CNOT6L: variants seen among roughly 807,000 people sequenced by gnomAD.
CNOT6L encodes CCR4-NOT transcription complex subunit 6-like.
Under a neutral mutation model 64.0 loss-of-function variants are expected in CNOT6L, and 7 were observed. That is an observed-to-expected ratio of 0.11 (90% CI 0.06 to 0.21). CNOT6L has a LOEUF of 0.21. Among genes scored for constraint, CNOT6L ranks in the 10% least tolerant of loss-of-function variants. The probability of loss-of-function intolerance (pLI) is 1.00; values close to 1 mark genes in which losing one functional copy is unlikely to be tolerated. For synonymous variants in CNOT6L, 193 were observed against 243.4 expected, an observed-to-expected ratio of 0.79 and a Z score of 1.93; for missense variants, 245 against 669.0, an observed-to-expected ratio of 0.37 and a Z score of 6.99.
At chr4:77,727,203 T>C (rs1402597375) in intron 10 of CNOT6L, among the ~76,000 whole-genome samples, 1 of 152,180 alleles carries the variant, frequency 6.6e-6, no homozygotes, top group African/African-American at 2.4e-5. Context: ...CTGTTCTAAG[T>C]GCTTTATTCA....
chr4:77,808,705 T>C (rs1046527743), intron 1 of CNOT6L, among the ~76,000 whole-genome samples: 2 of 152,182 alleles, frequency 1.3e-5, no homozygotes, highest in South Asian at 4.1e-4. Context: ...AGTAGTCTAT[T>C]AATTTTTTCC....
At chr4:77,732,852 G>C (rs1186432136) in intron 8 of CNOT6L, among the ~76,000 whole-genome samples, 1 of 152,082 alleles carries the variant, frequency 6.6e-6, no homozygotes, top group Non-Finnish European at 1.5e-5. Flanking sequence ...AGAGATAAAA[G>C]TTCTAAGCCA....
At chr4:77,781,503 G>A (rs1024126630) in intron 1 of CNOT6L, among the ~76,000 whole-genome samples, 1 of 151,918 alleles carries the variant, frequency 6.6e-6, no homozygotes, top group East Asian at 1.9e-4. Flanking sequence ...ATAAATCTAC[G>A]TAACATGCTA....
chr4:77,802,433 G>A (rs1731695021), intron 1 of CNOT6L, among the ~76,000 whole-genome samples: 2 of 152,192 alleles, frequency 1.3e-5, no homozygotes, highest in South Asian at 4.2e-4. Context: ...ACTAAAAAAT[G>A]TTTTCATTAA....
At chr4:77,792,503 A>G (rs2110113027) in intron 1 of CNOT6L, among the ~76,000 whole-genome samples, 1 of 152,262 alleles carries the variant, frequency 6.6e-6, no homozygotes, top group African/African-American at 2.4e-5. Flanking sequence ...AGGTGGGCAG[A>G]TGACCTGAGG....
In CNOT6L at chr4:77,768,484, T is replaced by A. The variant is rs1210523768; in HGVS notation, c.400+4597A>T. Among the ~76,000 whole-genome samples, 33 of 3,616 alleles carry A rather than the reference T, an allele frequency of 9.1e-3. No individual in the cohort carries two copies. In the South Asian group the frequency reaches 0.11, roughly 12 times the overall value. 2.4% of individuals were successfully genotyped at this position (3,616 alleles called of 152,430 possible). A position where few individuals can be genotyped will look rare whatever the true frequency, so the allele number is the denominator to read the frequency against. ...TGTCTAAAATAAATAAATATATATA[T>A]ATATATATATATATATATATATATA... On this transcript the variant is annotated intron_variant, in intron 4 of 11. Coordinates refer to ENST00000504123, the MANE Select transcript of CNOT6L (RefSeq NM_144571.3).
chr4:77,755,611 G>C (rs1364047386), intron 5 of CNOT6L, among the ~76,000 whole-genome samples: 4 of 152,068 alleles, frequency 2.6e-5, no homozygotes, highest in African/African-American at 9.7e-5. Flanking sequence ...TACTAAGAAC[G>C]CCTCTATAAT....
At chr4:77,758,855 C>A (rs1560593475) in intron 4 of CNOT6L, among the ~76,000 whole-genome samples, 1 of 152,154 alleles carries the variant, frequency 6.6e-6, no homozygotes, top group Non-Finnish European at 1.5e-5. Context: ...GTACTATCTT[C>A]AAAGGAAACT....
chr4:77,720,744 G>A, intron 11 of CNOT6L, 101 bp from the exon 12 acceptor site: 1 of 1,142,270 alleles, frequency 8.8e-7, no homozygotes, highest in Non-Finnish European at 1.3e-6. Flanking sequence ...CTTTCTTCTG[G>A]TACCTGTTGT....
intron 1 of CNOT6L, among the ~76,000 whole-genome samples, chr4:77,793,296 G>A (rs1730379118): frequency 1.3e-5 from 2 of 152,144 alleles, no homozygotes; most frequent in African/African-American, 2.4e-5. Context: ...ACCAAAGGCT[G>A]AGCATCCCAG....
rs773820386 is a variant in CNOT6L, at chr4:77,729,047, C to T, written c.1059G>A (p.Leu353=). 1.9e-6 allele frequency: 3 copies of T among 1,613,196 alleles called. No homozygotes were observed. Among genetic ancestry groups the T allele is most frequent in the Non-Finnish European group, 2.5e-6 (3 of 1,179,408 alleles). ...GCATGTGGGCATTTGCCACTATAAG[C>T]AGCTGTTTGTCTGCAGCATGAATAG... ...MKPIHAADKQ[L]LIVANAHMHW... is the part of the protein sequence containing the mutation. The change falls in exon 10 of 12, where the codon CTG becomes CTA. Residue 353 remains leucine, a synonymous_variant. Coordinates refer to ENST00000504123, the MANE Select transcript of CNOT6L (RefSeq NM_144571.3).
intron 1 of CNOT6L, among the ~76,000 whole-genome samples, chr4:77,810,755 T>C (rs1416871386): frequency 6.6e-6 from 1 of 152,176 alleles, no homozygotes; most frequent in Non-Finnish European, 1.5e-5. Context: ...CATCTAGCTA[T>C]AATTTTGTAC....
chr4:77,782,642 T>A (rs1043597690), intron 1 of CNOT6L, among the ~76,000 whole-genome samples: 1 of 3,118 alleles, frequency 3.2e-4, no homozygotes, highest in Admixed American at 5.1e-3. Flanking sequence ...GTGCCTAGCC[T>A]TTTTTTTTTT....
intron 1 of CNOT6L, among the ~76,000 whole-genome samples, chr4:77,805,903 C>G (rs1183484369): frequency 6.6e-6 from 1 of 152,144 alleles, no homozygotes; most frequent in Non-Finnish European, 1.5e-5. Context: ...CAAATTCAGG[C>G]AACGATAGAA....
intron 1 of CNOT6L, among the ~76,000 whole-genome samples, chr4:77,807,443 ATG>A (rs1732379151): frequency 2.0e-5 from 3 of 152,118 alleles, no homozygotes; most frequent in African/African-American, 7.2e-5. Context: ...ACACAAGGCA[ATG>A]TAGTAAGTGT....
rs770180782 is a variant in CNOT6L at position 77,728,837 on chromosome 4, AATG to A, written c.1252+14_1252+16del. Reference sequence around the variant, plus strand: ...AAAGTGAAATTGAAAGCAGTGAGGAAATGATATTATAAATACCTGAATCTGGCA... The same window carrying A: ...AAAGTGAAATTGAAAGCAGTGAGGAAATATTATAAATACCTGAATCTGGCA... On this transcript the variant is annotated intron_variant, in intron 10 of 11. Transcript: ENST00000504123. The A allele has an allele frequency of 1.1e-5, 18 of 1,598,912 alleles. No homozygotes were observed. The East Asian group carries it at 1.3e-4, about 12-fold the overall frequency.
intron 5 of CNOT6L, among the ~76,000 whole-genome samples, chr4:77,754,410 TGAGA>T (rs1249077548): frequency 1.3e-5 from 2 of 152,088 alleles, no homozygotes; most frequent in African/African-American, 4.8e-5. Flanking sequence ...TTAAAACTAC[TGAGA>T]GAAATTATAA....
chr4:77,804,987 C>A (rs1246838719), intron 1 of CNOT6L, among the ~76,000 whole-genome samples: 1 of 152,050 alleles, frequency 6.6e-6, no homozygotes, highest in Non-Finnish European at 1.5e-5. Context: ...CAGGTTCACT[C>A]GTGGAGATTT....
intron 1 of CNOT6L, among the ~76,000 whole-genome samples, chr4:77,784,725 C>T (rs543858247): frequency 5.7e-4 from 87 of 152,246 alleles, no homozygotes; most frequent in African/African-American, 2.0e-3. Flanking sequence ...CCCAAGTGAT[C>T]TGCCCACCTC....
Sources: gnomAD v4.1 joint callset for allele counts (sites outside exome capture counted in the v4.1 genomes callset) on GRCh38, gnomAD v4.1.1 for gene constraint, MANE v1.5 for transcripts, NCBI Gene and HGNC (gene_info 2026-07-23, HGNC 2026-07-21) for gene names.